The following PDE1C variants were observed in gnomAD, a reference collection of about 807,000 sequenced individuals.
PDE1C encodes phosphodiesterase 1C.
PDE1C carries 62 observed loss-of-function variants against 93.1 expected under a neutral mutation model. The observed-to-expected ratio is 0.67, with a 90% CI of 0.54 to 0.82. The LOEUF is 0.82. PDE1C is among the 40% of genes least tolerant of loss of function. The probability of loss-of-function intolerance (pLI) is 0.00; values close to 1 mark genes in which losing one functional copy is unlikely to be tolerated. For missense variants in PDE1C, 742 were observed against 884.6 expected, an observed-to-expected ratio of 0.84 and a Z score of 2.04; for synonymous variants, 325 against 310.1, an observed-to-expected ratio of 1.05 and a Z score of -0.50.
chr7:32,099,766 T>C (rs1360911325), intron 3 of PDE1C, among the ~76,000 whole-genome samples: 1 of 152,194 alleles, frequency 6.6e-6, no homozygotes, highest in African/African-American at 2.4e-5. Context: ...TGCCTTTACA[T>C]ATGCTCTTTC....
intron 3 of PDE1C, among the ~76,000 whole-genome samples, chr7:32,128,944 TATATATATAA>T (rs1215338267): frequency 1.1e-3 from 82 of 74,754 alleles, no homozygotes; most frequent in Middle Eastern, 6.8e-3. Context: ...TATATATATA[TATATATATAA>T]AGAAAAATCT....
intron 3 of PDE1C, among the ~76,000 whole-genome samples, chr7:32,154,536 T>C (rs1194761930): frequency 6.6e-6 from 1 of 152,174 alleles, no homozygotes; most frequent in African/African-American, 2.4e-5. Context: ...TTCAGGAGTT[T>C]TTATGCCTAG....
At chr7:32,253,183 T>A (rs937201307) in intron 1 of PDE1C, among the ~76,000 whole-genome samples, 1 of 152,188 alleles carries the variant, frequency 6.6e-6, no homozygotes, top group African/African-American at 2.4e-5. Flanking sequence ...GAAGTAGGCA[T>A]CAACATCTAT....
intron 2 of PDE1C, among the ~76,000 whole-genome samples, chr7:31,939,896 G>A (rs1273369557): frequency 6.6e-6 from 1 of 152,190 alleles, no homozygotes; most frequent in Non-Finnish European, 1.5e-5. Flanking sequence ...CTTAGAAAAA[G>A]GAGGCATGTT....
chr7:31,831,642 A>C (rs1196225615), intron 11 of PDE1C, among the ~76,000 whole-genome samples: 2 of 152,154 alleles, frequency 1.3e-5, no homozygotes, highest in African/African-American at 4.8e-5. Flanking sequence ...TGAAAAGAAC[A>C]CATTTCACTC....
At chr7:32,276,439 A>G (rs1195644060) in intron 1 of PDE1C, among the ~76,000 whole-genome samples, 1 of 152,188 alleles carries the variant, frequency 6.6e-6, no homozygotes, top group Non-Finnish European at 1.5e-5. Flanking sequence ...TGTTAGCACA[A>G]ATAAGAGGCA....
At chr7:32,241,071 G>C (rs776701672) in intron 1 of PDE1C, among the ~76,000 whole-genome samples, 1 of 152,164 alleles carries the variant, frequency 6.6e-6, no homozygotes, top group Non-Finnish European at 1.5e-5. Context: ...GGGCAAGTTG[G>C]GGGAGAGGGC....
chr7:31,795,844 T>C (rs1305990661), intron 16 of PDE1C, among the ~76,000 whole-genome samples: 1 of 151,678 alleles, frequency 6.6e-6, no homozygotes, highest in Non-Finnish European at 1.5e-5. Context: ...AAACCAATTA[T>C]GTTGGGTTAA....
At chr7:31,879,648 C>A (rs1583750566) in intron 3 of PDE1C, among the ~76,000 whole-genome samples, 1 of 152,350 alleles carries the variant, frequency 6.6e-6, no homozygotes, top group Middle Eastern at 3.4e-3. Flanking sequence ...AATTAAGATT[C>A]TTTCCAGGTT....
At chr7:31,643,813 T>C in the PDE1C span, 1 of 1,613,898 alleles carries the variant, frequency 6.2e-7, no homozygotes, top group South Asian at 1.1e-5. Context: ...CCACCCTCAC[T>C]GCCACGGGGA....
At chr7:31,745,049 T>A in the PDE1C span, among the ~76,000 whole-genome samples, 1 of 152,156 alleles carries the variant, frequency 6.6e-6, no homozygotes, top group Middle Eastern at 3.2e-3. Context: ...AAGTGAGATT[T>A]TGGCACATAA....
intron 2 of PDE1C, among the ~76,000 whole-genome samples, chr7:31,986,445 T>C (rs1783407173): frequency 6.6e-6 from 1 of 152,118 alleles, no homozygotes; most frequent in Non-Finnish European, 1.5e-5. Context: ...AGGTTCTGGG[T>C]TGATATGAAT....
chr7:32,080,686 C>A (rs1266713857), intron 3 of PDE1C, among the ~76,000 whole-genome samples: 1 of 152,198 alleles, frequency 6.6e-6, no homozygotes, highest in Non-Finnish European at 1.5e-5. Context: ...CTACTCCTGA[C>A]AGTGTTTTCA....
chr7:32,105,116 G>A (rs985298626), intron 3 of PDE1C, among the ~76,000 whole-genome samples: 4 of 152,152 alleles, frequency 2.6e-5, no homozygotes, highest in Non-Finnish European at 5.9e-5. Context: ...ATTGACCAAC[G>A]GGATAGTGGG....
intron 3 of PDE1C, among the ~76,000 whole-genome samples, chr7:32,092,017 C>T (rs545412056): frequency 6.6e-6 from 1 of 152,270 alleles, no homozygotes; most frequent in African/African-American, 2.4e-5. Flanking sequence ...AGGTTTTTGG[C>T]CCAAGGAACA....
chr7:32,085,847 C>T (rs36152506), intron 3 of PDE1C, among the ~76,000 whole-genome samples: 85,514 of 140,402 alleles, frequency 0.61, 26,655 homozygotes, highest in African/African-American at 0.69. Flanking sequence ...ATTGATGGGA[C>T]GTATCTCAAA....
chr7:32,116,834 C>T (rs555512252), intron 3 of PDE1C, among the ~76,000 whole-genome samples: 1 of 152,240 alleles, frequency 6.6e-6, no homozygotes, highest in Admixed American at 6.5e-5. Context: ...AGCTTATGTC[C>T]CTTATAATCA....
At chr7:32,118,573 G>A (rs939990546) in intron 3 of PDE1C, among the ~76,000 whole-genome samples, 9 of 152,046 alleles carry the variant, frequency 5.9e-5, no homozygotes, top group African/African-American at 2.2e-4. Flanking sequence ...AATTTATTTG[G>A]TTCACTGTTC....
downstream of PDE1C, among the ~76,000 whole-genome samples, chr7:31,746,836 G>A (rs968522550): frequency 6.6e-6 from 1 of 152,142 alleles, no homozygotes; most frequent in Non-Finnish European, 1.5e-5. Flanking sequence ...GGGAAAAAAA[G>A]CCACAAGTTG....
Sources: allele counts gnomAD v4.1 joint callset (sites outside exome capture counted in the v4.1 genomes callset), GRCh38; gene constraint gnomAD v4.1.1; transcripts MANE v1.5; gene names NCBI Gene and HGNC (gene_info 2026-07-23, HGNC 2026-07-21).